Variants in MYT1L observed in about 807,000 individuals in gnomAD.
MYT1L encodes the protein myelin transcription factor 1 like, also known as myelin transcription factor 1-like protein.
A neutral mutation model predicts 126.7 loss-of-function variants in MYT1L; 12 were observed. The observed-to-expected ratio is 0.09, with a 90% CI of 0.06 to 0.15. MYT1L has a LOEUF of 0.15. Ranked by LOEUF, MYT1L falls within the 10% of genes least tolerant of loss-of-function variation. The probability of loss-of-function intolerance (pLI) is 1.00; values close to 1 mark genes in which losing one functional copy is unlikely to be tolerated. For missense variants in MYT1L, 979 were observed against 1,585.2 expected (o/e 0.62, Z 6.49); for synonymous variants, 541 against 604.2 (o/e 0.90, Z 1.53).
chr2:1,894,007 G>A (rs1353611621), intron 14 of MYT1L, among the ~76,000 whole-genome samples: 1 of 152,234 alleles, frequency 6.6e-6, no homozygotes, highest in East Asian at 1.9e-4. Context: ...CCCCAAGCAA[G>A]TAACCGCTTT....
At chr2:2,095,280 T>C (rs1232149123) in intron 3 of MYT1L, among the ~76,000 whole-genome samples, 1 of 152,188 alleles carries the variant, frequency 6.6e-6, no homozygotes, top group African/African-American at 2.4e-5. Flanking sequence ...GGCCACCTGA[T>C]CCCACCTCTG....
At chr2:1,869,016 T>A (rs978441361) in intron 18 of MYT1L, among the ~76,000 whole-genome samples, 3 of 152,340 alleles carry the variant, frequency 2.0e-5, no homozygotes, top group Admixed American at 6.5e-5. Context: ...ACACCAGCTG[T>A]CACTGAGCTT....
intron 2 of MYT1L, among the ~76,000 whole-genome samples, chr2:2,183,685 T>C (rs2091781843): frequency 6.6e-6 from 1 of 151,780 alleles, no homozygotes; most frequent in South Asian, 2.1e-4. Flanking sequence ...ATCCCACATG[T>C]AGTTTCTTGC....
At chr2:2,241,715 G>A (rs1209211788) in intron 2 of MYT1L, among the ~76,000 whole-genome samples, 2 of 152,192 alleles carry the variant, frequency 1.3e-5, no homozygotes, top group Non-Finnish European at 2.9e-5. Flanking sequence ...GGCAGCACAC[G>A]TGTCCACTGA....
chr2:2,136,903 T>C (rs901591576), intron 3 of MYT1L, among the ~76,000 whole-genome samples: 4 of 152,238 alleles, frequency 2.6e-5, no homozygotes, highest in African/African-American at 7.2e-5. Flanking sequence ...CAAATTGTCC[T>C]TGTTTGCAGA....
chr2:2,312,412 A>G (rs2095987736), intron 1 of MYT1L, among the ~76,000 whole-genome samples: 2 of 152,074 alleles, frequency 1.3e-5, no homozygotes, highest in African/African-American at 4.8e-5. Context: ...GGAGTTCAAG[A>G]CCAGCCTGGG....
chr2:1,956,549 C>CTATCTATT (rs1553355524), intron 8 of MYT1L, among the ~76,000 whole-genome samples: 1 of 139,046 alleles, frequency 7.2e-6, no homozygotes, highest in Non-Finnish European at 1.6e-5. Flanking sequence ...ATCTATCTAT[C>CTATCTATT]ATCTATCCTA....
chr2:2,088,933 T>C (rs1287197655), intron 3 of MYT1L, among the ~76,000 whole-genome samples: 2 of 152,154 alleles, frequency 1.3e-5, no homozygotes, highest in East Asian at 1.9e-4. Flanking sequence ...AACATTTTCC[T>C]GCTTTTTGCT....
chr2:2,170,105 G>GT (rs1158064813), intron 3 of MYT1L, among the ~76,000 whole-genome samples: 2 of 152,180 alleles, frequency 1.3e-5, no homozygotes, highest in African/African-American at 4.8e-5. Flanking sequence ...CCACGCTCAC[G>GT]TATCAGCAAA....
In MYT1L at chr2:2,193,253, C is replaced by T. The variant is rs140562923; in HGVS notation, c.-420-20265G>A. 3.2e-3 allele frequency among the ~76,000 whole-genome samples: 487 copies of T among 152,330 alleles called. 3 individuals are homozygous for T. Among genetic ancestry groups the T allele is most frequent in the African/African-American group, 0.011 (446 of 41,576 alleles). On this transcript the variant is annotated intron_variant, in intron 2 of 24. Coordinates refer to ENST00000647738, the MANE Select transcript of MYT1L (RefSeq NM_001303052.2). ...TTGGCCTCCCAAAGTGCCAGGATTA[C>T]AGGCATGAGACACCATGCCCGGAGA... is the stretch of plus-strand genomic sequence containing the variant.
chr2:1,909,686 C>A (rs143007866), intron 13 of MYT1L, among the ~76,000 whole-genome samples: 1 of 152,144 alleles, frequency 6.6e-6, no homozygotes, highest in Non-Finnish European at 1.5e-5. Flanking sequence ...ATTTAACCTC[C>A]GCACTCTGGA....
At chr2:1,989,896 G>T (rs2061341392) in intron 5 of MYT1L, among the ~76,000 whole-genome samples, 1 of 152,138 alleles carries the variant, frequency 6.6e-6, no homozygotes, top group African/African-American at 2.4e-5. Context: ...TACTCTGGAG[G>T]CTGAGACAGG....
chr2:2,306,616 G>A (rs1308785527), intron 1 of MYT1L, among the ~76,000 whole-genome samples: 1 of 152,096 alleles, frequency 6.6e-6, no homozygotes. Flanking sequence ...TCAAAGAGAG[G>A]TGATCACCAG....
chr2:2,198,814 C>G (rs1196395223), intron 2 of MYT1L, among the ~76,000 whole-genome samples: 1 of 151,928 alleles, frequency 6.6e-6, no homozygotes, highest in Non-Finnish European at 1.5e-5. Context: ...GCACTGCACT[C>G]CAGCCTGGGC....
intron 5 of MYT1L, among the ~76,000 whole-genome samples, chr2:1,982,096 T>G (rs564375900): frequency 2.0e-5 from 3 of 152,162 alleles, no homozygotes; most frequent in Non-Finnish European, 4.4e-5. Context: ...GAAATTGCTA[T>G]TCAACATGAA....
chr2:2,094,868 A>G (rs557452307), intron 3 of MYT1L, among the ~76,000 whole-genome samples: 2 of 152,286 alleles, frequency 1.3e-5, no homozygotes, highest in Non-Finnish European at 2.9e-5. Flanking sequence ...AAATGTATAC[A>G]TATGTAACTA....
At chr2:2,209,653 A>G (rs1559345254) in intron 2 of MYT1L, among the ~76,000 whole-genome samples, 1 of 152,220 alleles carries the variant, frequency 6.6e-6, no homozygotes, top group Non-Finnish European at 1.5e-5. Flanking sequence ...TAAAAAATAT[A>G]TGTATGCATA....
rs73914915 is a variant in MYT1L at position 2,294,829 on chromosome 2, A to G, written c.-520-10326T>C. The stretch of plus-strand genomic sequence containing the variant: ...GTGTGTGCAAAGACTTGGGCAGGGT[A>G]TTGTAGAAGACATTATACTACATTA... On this transcript the variant is annotated intron_variant, in intron 1 of 24. Transcript: ENST00000647738. Among the ~76,000 whole-genome samples the G allele has an allele frequency of 6.3e-3, 956 of 152,336 alleles. 9 individuals are homozygous for G. The highest frequency in any genetic ancestry group is 0.021 in the African/African-American group (880 of 41,570).
At chr2:2,260,928 G>A (rs2149276811) in intron 2 of MYT1L, among the ~76,000 whole-genome samples, 1 of 152,174 alleles carries the variant, frequency 6.6e-6, no homozygotes, top group South Asian at 2.1e-4. Context: ...ATTTCTCTTG[G>A]GAAATTCTGC....
Sources: gnomAD v4.1 joint callset for allele counts (sites outside exome capture counted in the v4.1 genomes callset) on GRCh38, gnomAD v4.1.1 for gene constraint, MANE v1.5 for transcripts, NCBI Gene and HGNC (gene_info 2026-07-23, HGNC 2026-07-21) for gene names.